TRIM16: variants seen among roughly 807,000 people sequenced by gnomAD.
TRIM16 encodes tripartite motif-containing protein 16.
A neutral mutation model predicts 50.4 loss-of-function variants in TRIM16; 33 were observed. That is an observed-to-expected ratio of 0.65 (90% confidence interval 0.50 to 0.88). TRIM16 has a LOEUF of 0.88. Among genes scored for constraint, TRIM16 ranks in the 40% least tolerant of loss-of-function variants. The probability of loss-of-function intolerance (pLI) is 0.00; values close to 1 mark genes in which losing one functional copy is unlikely to be tolerated. For missense variants in TRIM16, 581 were observed against 686.8 expected (o/e 0.85, Z 1.72); for synonymous variants, 229 against 270.7 (o/e 0.85, Z 1.51).
chr17:15,667,430 G>A (rs1043920996), intron 6 of TRIM16, among the ~76,000 whole-genome samples: 5 of 152,032 alleles, frequency 3.3e-5, no homozygotes, highest in Admixed American at 6.6e-5. Context: ...CTCAACTCTC[G>A]AGTACATGAC....
At chr17:15,678,025 G>T (rs566023569) in intron 4 of TRIM16, among the ~76,000 whole-genome samples, 1 of 152,236 alleles carries the variant, frequency 6.6e-6, no homozygotes, top group East Asian at 1.9e-4. Flanking sequence ...AGACCATCCT[G>T]GCTAACATGG....
Position 15,629,158 on chromosome 17 carries a change from CTT to C in TRIM16, c.1150_1151del (p.Lys384ValfsTer48), listed in dbSNP as rs1986270405. On this transcript the variant is annotated frameshift_variant, in exon 12 of 12. Coordinates refer to ENST00000649191, the MANE Select transcript of TRIM16 (RefSeq NM_001348119.1). LOFTEE classifies it high-confidence loss of function. Reference sequence around the variant, plus strand: ...GGTTCTCCTCCTGCAGCCGGAGATACTTGTGTGCTGTGTCCGGGTCAAACGTG... The same window carrying C: ...GGTTCTCCTCCTGCAGCCGGAGATACGTGTGCTGTGTCCGGGTCAAACGTG... The part of the protein sequence containing the change: ...DITFDPDTAH[K>X]YLRLQEENRK... 6.2e-7 allele frequency: 1 copy of C among 1,612,542 alleles called. No individual in the cohort carries two copies. Among genetic ancestry groups the C allele is most frequent in the Admixed American group, 1.7e-5 (1 of 59,946 alleles).
At chr17:15,675,766 TATGTGTATATACACATACGTATATATAC>T (rs1431537223) in intron 6 of TRIM16, 6 of 158,980 alleles carry the variant, frequency 3.8e-5, no homozygotes, top group South Asian at 2.0e-4. Context: ...TATACATACG[TATGTGTATATACACATACGTATATATAC>T]ATGTGTATAT....
intron 7 of TRIM16, among the ~76,000 whole-genome samples, chr17:15,645,287 C>T (rs937466352): frequency 1.3e-5 from 2 of 152,174 alleles, no homozygotes; most frequent in African/African-American, 4.8e-5. Context: ...CCATAAATGT[C>T]AGTGGGTGCC....
At chr17:15,662,805 A>C (rs572893193) in intron 6 of TRIM16, among the ~76,000 whole-genome samples, 1 of 152,224 alleles carries the variant, frequency 6.6e-6, no homozygotes, top group Admixed American at 6.5e-5. Context: ...AAACCCATAC[A>C]TCTGATATAT....
At chr17:15,644,525 C>T (rs1204618936) in intron 7 of TRIM16, among the ~76,000 whole-genome samples, 1 of 152,166 alleles carries the variant, frequency 6.6e-6, no homozygotes, top group Non-Finnish European at 1.5e-5. Flanking sequence ...ATGATGTAGG[C>T]ATGATTGATT....
chr17:15,670,161 T>G (rs1988666207), intron 6 of TRIM16, among the ~76,000 whole-genome samples: 1 of 152,214 alleles, frequency 6.6e-6, no homozygotes, highest in Admixed American at 6.5e-5. Context: ...TTTCATAGCT[T>G]GAAGATATTC....
chr17:15,644,130 T>C (rs149235212), intron 7 of TRIM16, among the ~76,000 whole-genome samples: 1 of 152,224 alleles, frequency 6.6e-6, no homozygotes, highest in Non-Finnish European at 1.5e-5. Context: ...ACACCCTCCA[T>C]GGACTTCCAC....
chr17:15,646,037 G>A (rs532366490), intron 7 of TRIM16, among the ~76,000 whole-genome samples: 4 of 152,264 alleles, frequency 2.6e-5, no homozygotes, highest in Admixed American at 2.0e-4. Flanking sequence ...CCTACAACAC[G>A]GCATCTAAAC....
chr17:15,675,330 T>C (rs2601979), intron 6 of TRIM16: 1 of 156,866 alleles, frequency 6.4e-6, no homozygotes, highest in African/African-American at 2.4e-5. Context: ...AATTCTTTGG[T>C]ATTTAACCAA....
chr17:15,629,148 G>A lies in TRIM16; in HGVS notation c.1162C>T (p.Leu388=). The change falls in exon 12 of 12, where the codon CTG becomes TTG. Residue 388 remains leucine, a synonymous_variant. Transcript: ENST00000649191. ...DPDTAHKYLR[L]QEENRKVTNT... The stretch of plus-strand genomic sequence containing the variant: ...GTGACCTTGCGGTTCTCCTCCTGCA[G>A]CCGGAGATACTTGTGTGCTGTGTCC... 6.2e-7 allele frequency: 1 copy of A among 1,612,576 alleles called. No homozygotes were observed. Among genetic ancestry groups the A allele is most frequent in the Non-Finnish European group, 8.5e-7 (1 of 1,179,066 alleles).
intron 6 of TRIM16, among the ~76,000 whole-genome samples, chr17:15,668,473 G>T (rs1031970338): frequency 6.6e-6 from 1 of 152,148 alleles, no homozygotes; most frequent in Non-Finnish European, 1.5e-5. Flanking sequence ...ATGGCTCTAA[G>T]AATAAAGATC....
intron 11 of TRIM16, among the ~76,000 whole-genome samples, 188 bp from the exon 12 acceptor site, chr17:15,629,386 C>A (rs951771582): frequency 9.9e-5 from 15 of 152,238 alleles, no homozygotes; most frequent in Non-Finnish European, 1.3e-4. Flanking sequence ...GAGCACAAAT[C>A]ATCTACTCCC....
intron 6 of TRIM16, among the ~76,000 whole-genome samples, chr17:15,673,489 T>C (rs558472340): frequency 2.6e-5 from 4 of 151,706 alleles, no homozygotes; most frequent in East Asian, 1.9e-4. Flanking sequence ...GTGAGAAAAA[T>C]AGAAAGCAGG....
At position 15,665,563 on chromosome 17, in the gene TRIM16, A is replaced by G. The variant is rs150579471; in HGVS notation, c.-338+11613T>C. ...AAGAAAACAACATAATGTATCGGGA[A>G]ACCAGATAATGAATGGGTAACATTC... is the stretch of plus-strand genomic sequence containing the variant. On this transcript the variant is annotated intron_variant, in intron 6 of 11. Transcript: ENST00000649191. 9.1e-4 allele frequency among the ~76,000 whole-genome samples: 139 copies of G among 152,318 alleles called. 1 individual carries two copies. Among genetic ancestry groups the G allele is most frequent in the Admixed American group, 3.5e-3 (54 of 15,304 alleles).
chr17:15,639,521 C>T (rs549758532), intron 8 of TRIM16, among the ~76,000 whole-genome samples: 1 of 148,204 alleles, frequency 6.7e-6, no homozygotes, highest in Non-Finnish European at 1.5e-5. Flanking sequence ...AGCTTTTAGA[C>T]AGGTGACGGT....
chr17:15,683,281 A>G (rs1210605044), intron 1 of TRIM16, 124 bp from the exon 2 acceptor site: 1 of 776,328 alleles, frequency 1.3e-6, no homozygotes, highest in Non-Finnish European at 2.0e-6. Flanking sequence ...GCTAAACTCA[A>G]GAACTTCGGC....
chr17:15,681,415 G>C (rs1989178294), intron 3 of TRIM16, among the ~76,000 whole-genome samples: 1 of 152,254 alleles, frequency 6.6e-6, no homozygotes, highest in African/African-American at 2.4e-5. Context: ...CCCATCGTGA[G>C]TATTCCAGGC....
At chr17:15,635,734 G>A (rs1235436033) in intron 9 of TRIM16, among the ~76,000 whole-genome samples, 1 of 123,966 alleles carries the variant, frequency 8.1e-6, no homozygotes, top group Non-Finnish European at 1.7e-5. Context: ...CCCCAAATCA[G>A]CTGTGCTTCC....
Sources: gnomAD v4.1 joint callset for allele counts (sites outside exome capture counted in the v4.1 genomes callset) on GRCh38, gnomAD v4.1.1 for gene constraint, MANE v1.5 for transcripts, NCBI Gene and HGNC (gene_info 2026-07-23, HGNC 2026-07-21) for gene names.